Variants in MSI2 observed in about 807,000 individuals in gnomAD.
MSI2 encodes the protein RNA-binding protein Musashi homolog 2.
A neutral mutation model predicts 45.6 loss-of-function variants in MSI2; 17 were observed. The ratio of observed to expected loss-of-function variants is 0.37; its 90% CI spans 0.26 to 0.56. MSI2 has a LOEUF of 0.56. Among genes scored for constraint, MSI2 ranks in the 20% least tolerant of loss-of-function variants. MSI2 has a pLI of 0.77. For missense variants in MSI2, 293 were observed against 444.2 expected (o/e 0.66, Z 3.06); for synonymous variants, 156 against 158.2 (o/e 0.99, Z 0.11).
intron 6 of MSI2, among the ~76,000 whole-genome samples, chr17:57,479,298 G>A (rs546681356): frequency 5.3e-5 from 8 of 152,262 alleles, no homozygotes; most frequent in South Asian, 2.1e-4. Flanking sequence ...TTTGCCTTGC[G>A]TACTGGGGCA....
intron 3 of MSI2, among the ~76,000 whole-genome samples, chr17:57,258,004 T>C (rs1255220634): frequency 6.6e-6 from 1 of 152,106 alleles, no homozygotes; most frequent in Non-Finnish European, 1.5e-5. Flanking sequence ...GAGAGGAAAC[T>C]GAGGTGGCCA....
At chr17:57,463,728 G>T (rs1414541234) in intron 6 of MSI2, among the ~76,000 whole-genome samples, 1 of 99,400 alleles carries the variant, frequency 1.0e-5, no homozygotes, top group African/African-American at 3.8e-5. Context: ...CTCTGCCCCT[G>T]GCCCTGGACA....
intron 6 of MSI2, among the ~76,000 whole-genome samples, chr17:57,415,964 G>A (rs1009334314): frequency 5.3e-5 from 8 of 152,200 alleles, no homozygotes; most frequent in African/African-American, 2.4e-5. Flanking sequence ...AAGTGAATAT[G>A]GCAAGGAGTC....
At chr17:57,602,719 CTAAG>C (rs1160551182) in intron 8 of MSI2, among the ~76,000 whole-genome samples, 2 of 152,142 alleles carry the variant, frequency 1.3e-5, no homozygotes, top group African/African-American at 4.8e-5. Flanking sequence ...CAGAAATTTG[CTAAG>C]TAACTCATGG....
intron 5 of MSI2, among the ~76,000 whole-genome samples, chr17:57,263,065 T>G (rs1907464267): frequency 6.6e-6 from 1 of 152,262 alleles, no homozygotes; most frequent in African/African-American, 2.4e-5. Flanking sequence ...TTGAAGCTTC[T>G]AAGTCGGAAA....
chr17:57,621,021 T>C (rs1423333030), intron 9 of MSI2, among the ~76,000 whole-genome samples: 1 of 152,230 alleles, frequency 6.6e-6, no homozygotes, highest in Non-Finnish European at 1.5e-5. Flanking sequence ...GTCTATGGAC[T>C]CTCTAAGCGA....
intron 9 of MSI2, among the ~76,000 whole-genome samples, chr17:57,621,191 G>A (rs1908259753): frequency 6.6e-6 from 1 of 152,050 alleles, no homozygotes; most frequent in South Asian, 2.1e-4. Flanking sequence ...CAGTTACATG[G>A]GTCACCATCT....
intron 6 of MSI2, among the ~76,000 whole-genome samples, chr17:57,433,108 C>T (rs1034243050): frequency 1.3e-5 from 2 of 152,070 alleles, no homozygotes; most frequent in Non-Finnish European, 2.9e-5. Flanking sequence ...ACCTCCCTTT[C>T]GAGAAAGGAT....
chr17:57,604,516 G>A (rs576901609), intron 8 of MSI2, among the ~76,000 whole-genome samples: 2 of 152,236 alleles, frequency 1.3e-5, no homozygotes, highest in South Asian at 2.1e-4. Context: ...AGGAGGTGGT[G>A]CACCTCCCAA....
intron 7 of MSI2, among the ~76,000 whole-genome samples, chr17:57,555,225 G>A (rs550663692): frequency 5.3e-5 from 8 of 152,196 alleles, no homozygotes; most frequent in Admixed American, 6.5e-5. Flanking sequence ...GCTCTGGGTC[G>A]CCCTGTCCTC....
At chr17:57,691,199 TC>T in the MSI2 span, among the ~76,000 whole-genome samples, 187 of 110,384 alleles carry the variant, frequency 1.7e-3, no homozygotes, top group African/African-American at 5.8e-3. Context: ...TCTCTCTCTC[TC>T]ATCTATCTAT....
At chr17:57,573,079 C>T (rs767858525) in intron 7 of MSI2, among the ~76,000 whole-genome samples, 3 of 152,124 alleles carry the variant, frequency 2.0e-5, no homozygotes, top group East Asian at 1.9e-4. Flanking sequence ...AATGGGAAGG[C>T]GAGGGCAGTC....
intron 6 of MSI2, among the ~76,000 whole-genome samples, chr17:57,514,907 G>A (rs1393543022): frequency 6.6e-6 from 1 of 152,002 alleles, no homozygotes; most frequent in East Asian, 1.9e-4. Flanking sequence ...GGCACCATGG[G>A]TACCCCACCC....
At chr17:57,316,813 A>G (rs1262718341) in intron 5 of MSI2, among the ~76,000 whole-genome samples, 1 of 152,192 alleles carries the variant, frequency 6.6e-6, no homozygotes, top group Non-Finnish European at 1.5e-5. Flanking sequence ...TGGATTCATC[A>G]CAAATGCTAT....
chr17:57,652,102 T>C lies in MSI2; in HGVS notation c.731T>C (p.Phe244Ser). The C allele has an allele frequency of 6.2e-7, 1 of 1,614,110 alleles. No homozygotes were observed. The highest frequency in any genetic ancestry group is 8.5e-7 in the Non-Finnish European group (1 of 1,179,984). The change falls in exon 11 of 14, where the codon TTC becomes TCC. Residue 244 changes from phenylalanine to serine, a missense_variant. Transcript: ENST00000284073. This position sits in a 1 kb window ranked among gnomAD's most constrained non-coding sequence, Gnocchi z 4.1. The stretch of plus-strand genomic sequence containing the variant: ...GGCTCCTCTCTCTCCTGACCAGGCT[T>C]CCCAGCAGCGGCTTATGGACCAGTG... ...APSYGYQFPG[F>S]PAAAYGPVAA... is the part of the protein sequence containing the mutation.
chr17:57,510,509 C>T (rs1598349230), intron 6 of MSI2, among the ~76,000 whole-genome samples: 1 of 151,890 alleles, frequency 6.6e-6, no homozygotes, highest in East Asian at 1.9e-4. Context: ...CTCACTGCAA[C>T]CTCCGCCTCC....
At chr17:57,420,857 G>A (rs2084382390) in intron 6 of MSI2, among the ~76,000 whole-genome samples, 1 of 152,188 alleles carries the variant, frequency 6.6e-6, no homozygotes, top group South Asian at 2.1e-4. Flanking sequence ...AATTGCCTCC[G>A]CAAACGCAGT....
At chr17:57,296,099 T>C (rs1894281055) in intron 5 of MSI2, among the ~76,000 whole-genome samples, 1 of 150,860 alleles carries the variant, frequency 6.6e-6, no homozygotes, top group African/African-American at 2.4e-5. Flanking sequence ...ACCTGCTTAA[T>C]GTTTGCATAT....
chr17:57,667,840 C>T (rs1041695814), intron 11 of MSI2, among the ~76,000 whole-genome samples: 1 of 152,232 alleles, frequency 6.6e-6, no homozygotes, highest in African/African-American at 2.4e-5. Flanking sequence ...CAGTCCAGAA[C>T]CCACCCAGCC....
Sources: allele counts gnomAD v4.1 joint callset (sites outside exome capture counted in the v4.1 genomes callset), GRCh38; gene constraint gnomAD v4.1.1; non-coding constraint Gnocchi (gnomAD v3.1); transcripts MANE v1.5; gene names NCBI Gene and HGNC (gene_info 2026-07-23, HGNC 2026-07-21).